The following ADGRL2 variants were observed in gnomAD, a reference collection of about 807,000 sequenced individuals.
The protein encoded by ADGRL2 is adhesion G protein-coupled receptor L2.
In ADGRL2, 44 loss-of-function variants were observed where a neutral mutation model predicts 157.4. The ratio of observed to expected loss-of-function variants is 0.28; its 90% confidence interval spans 0.22 to 0.36. The LOEUF is 0.36. Ranked by LOEUF, ADGRL2 falls within the 10% of genes least tolerant of loss-of-function variation. The pLI, the probability that ADGRL2 is intolerant of heterozygous loss-of-function variation, is 1.00. For synonymous variants in ADGRL2, 585 were observed against 624.7 expected, an observed-to-expected ratio of 0.94 and a Z score of 0.95; for missense variants, 1,510 against 1,768.9, an observed-to-expected ratio of 0.85 and a Z score of 2.63.
At chr1:81,460,385 T>TA (rs1456948151) in intron 2 of ADGRL2, among the ~76,000 whole-genome samples, 2 of 152,008 alleles carry the variant, frequency 1.3e-5, no homozygotes, top group African/African-American at 2.4e-5. Flanking sequence ...ATTTTATTTT[T>TA]AAAAAAAGAA....
chr1:81,482,844 T>C (rs2078418571), intron 2 of ADGRL2, among the ~76,000 whole-genome samples: 1 of 151,282 alleles, frequency 6.6e-6, no homozygotes, highest in South Asian at 2.1e-4. Context: ...TACATATATT[T>C]TATACATTAT....
At chr1:81,554,952 C>T (rs1261198548) in intron 2 of ADGRL2, among the ~76,000 whole-genome samples, 2 of 151,920 alleles carry the variant, frequency 1.3e-5, no homozygotes, top group African/African-American at 2.4e-5. Flanking sequence ...CACTAGCCTT[C>T]AAGGGAGAAC....
intron 1 of ADGRL2, among the ~76,000 whole-genome samples, chr1:81,815,039 TTG>T (rs202245814): frequency 0.011 from 1,661 of 151,864 alleles, 19 homozygotes; most frequent in Non-Finnish European, 0.018. Flanking sequence ...TCTCTAATAT[TTG>T]TGTGTTATAC....
At chr1:81,543,467 A>G (rs2079939193) in intron 2 of ADGRL2, among the ~76,000 whole-genome samples, 1 of 152,266 alleles carries the variant, frequency 6.6e-6, no homozygotes, top group African/African-American at 2.4e-5. Flanking sequence ...GCTGTTTATA[A>G]GCCACCCATT....
At position 81,894,923 on chromosome 1, in the gene ADGRL2, T is replaced by TACTA. The variant is rs1272107457; in HGVS notation, c.74-12092_74-12091insTAAC. Among the ~76,000 whole-genome samples the TACTA allele has an allele frequency of 2.0e-5, 3 of 152,142 alleles. No individual in the cohort carries two copies. The East Asian group carries it at 5.8e-4, about 29-fold the overall frequency. ...TCACAGCCTTAAGTGGGTAAAAGGTTACATGGCTGATACTTTTTAAGTGAT... is the reference window on the plus strand; with the variant it reads ...TCACAGCCTTAAGTGGGTAAAAGGTTACTAACATGGCTGATACTTTTTAAGTGAT... On this transcript the variant is annotated intron_variant, in intron 2 of 23. Transcript: ENST00000686636.
intron 1 of ADGRL2, among the ~76,000 whole-genome samples, chr1:81,439,617 C>A (rs2077470880): frequency 6.6e-6 from 1 of 152,246 alleles, no homozygotes; most frequent in African/African-American, 2.4e-5. Context: ...CATGGCCAGG[C>A]CAGGTGTGTC....
chr1:81,839,955 A>C (rs1041186192), intron 2 of ADGRL2, among the ~76,000 whole-genome samples: 1 of 110,092 alleles, frequency 9.1e-6, no homozygotes, highest in African/African-American at 3.0e-5. Context: ...TATATATATA[A>C]ATACACACAA....
Position 81,717,415 on chromosome 1 carries a change from T to C in ADGRL2, c.-143+17607T>C, listed in dbSNP as rs143931118. Among the ~76,000 whole-genome samples, 17 of 152,300 alleles carry C rather than the reference T, an allele frequency of 1.1e-4. No individual in the cohort carries two copies. The East Asian group carries it at 3.3e-3, about 29-fold the overall frequency. ...AATTCATCTATCAGTGAGACACAGA[T>C]CATATGACTAATCTTGTTTGATTTG... On this transcript the variant is annotated intron_variant, in intron 1 of 20. Coordinates refer to the ADGRL2 transcript ENST00000359929.
chr1:81,700,226 A>C (rs2149028242), intron 1 of ADGRL2, among the ~76,000 whole-genome samples: 1 of 152,348 alleles, frequency 6.6e-6, no homozygotes, highest in East Asian at 1.9e-4. Context: ...GAATTGTCAC[A>C]GGAAGATTTC....
intron 2 of ADGRL2, among the ~76,000 whole-genome samples, chr1:81,518,415 A>G (rs1021421333): frequency 2.6e-5 from 4 of 152,190 alleles, no homozygotes; most frequent in African/African-American, 9.7e-5. Context: ...CCTCACTTCA[A>G]GCTTCACATT....
At chr1:81,853,332 A>G (rs1327287853) in intron 2 of ADGRL2, among the ~76,000 whole-genome samples, 1 of 152,172 alleles carries the variant, frequency 6.6e-6, no homozygotes, top group Non-Finnish European at 1.5e-5. Flanking sequence ...GTTTTTAGGA[A>G]TACCTAGCAG....
intron 3 of ADGRL2, among the ~76,000 whole-genome samples, chr1:81,657,893 A>G (rs1045104205): frequency 6.6e-6 from 1 of 152,210 alleles, no homozygotes; most frequent in Non-Finnish European, 1.5e-5. Flanking sequence ...TTTCAATCAT[A>G]GAACCTTTTT....
intron 2 of ADGRL2, among the ~76,000 whole-genome samples, chr1:81,476,987 T>C (rs1186260481): frequency 6.6e-6 from 1 of 152,216 alleles, no homozygotes; most frequent in African/African-American, 2.4e-5. Flanking sequence ...CCTGTGGAAA[T>C]ATCCATGGAT....
chr1:81,331,814 A>G (rs976768658), intron 1 of ADGRL2, among the ~76,000 whole-genome samples: 1 of 152,170 alleles, frequency 6.6e-6, no homozygotes, highest in Non-Finnish European at 1.5e-5. Flanking sequence ...TGTAAAATGT[A>G]ATATCACACC....
intron 1 of ADGRL2, among the ~76,000 whole-genome samples, chr1:81,353,224 C>T (rs944391064): frequency 6.6e-6 from 1 of 152,110 alleles, no homozygotes; most frequent in Non-Finnish European, 1.5e-5. Context: ...AATGAGACTG[C>T]ATTGCCATGA....
intron 3 of ADGRL2, among the ~76,000 whole-genome samples, chr1:81,676,304 C>T (rs932820510): frequency 4.0e-5 from 6 of 151,888 alleles, no homozygotes; most frequent in African/African-American, 1.2e-4. Flanking sequence ...CCACCGCGCC[C>T]GGCCTGTTTT....
chr1:81,412,485 G>GTTAGAAGATAGA (rs1276604019), intron 1 of ADGRL2, among the ~76,000 whole-genome samples: 5 of 152,122 alleles, frequency 3.3e-5, no homozygotes, highest in Admixed American at 6.5e-5. Context: ...TAACTTAGAA[G>GTTAGAAGATAGA]CCTTTCTATC....
At chr1:81,985,204 G>T in intron 20 of ADGRL2, 55 bp from the exon 21 acceptor site, 3 of 998,414 alleles carry the variant, frequency 3.0e-6, no homozygotes, top group East Asian at 2.5e-5. Flanking sequence ...TCTTTAATAA[G>T]GTAAGTTTGG....
upstream of ADGRL2, among the ~76,000 whole-genome samples, chr1:81,799,462 T>C (rs189316221): frequency 1.5e-3 from 226 of 152,316 alleles, 1 homozygote; most frequent in African/African-American, 5.0e-3. Context: ...CATGTTCTAG[T>C]TATTTGGACA....
Sources: allele counts gnomAD v4.1 joint callset (sites outside exome capture counted in the v4.1 genomes callset), GRCh38; gene constraint gnomAD v4.1.1; transcripts MANE v1.5; gene names NCBI Gene and HGNC (gene_info 2026-07-23, HGNC 2026-07-21).